Variants in HIVEP2 observed in about 807,000 individuals in gnomAD.
HIVEP2 encodes transcription factor HIVEP2.
Under a neutral mutation model 180.7 loss-of-function variants are expected in HIVEP2, and 14 were observed. The observed-to-expected ratio is 0.08, with a 90% confidence interval of 0.05 to 0.12. HIVEP2 has a LOEUF of 0.12. HIVEP2 is among the 10% of genes least tolerant of loss of function. The probability of loss-of-function intolerance (pLI) is 1.00; values close to 1 mark genes in which losing one functional copy is unlikely to be tolerated. For missense variants in HIVEP2, 2,579 were observed against 3,008.5 expected, an observed-to-expected ratio of 0.86 and a Z score of 3.34; for synonymous variants, 1,184 against 1,136.4, an observed-to-expected ratio of 1.04 and a Z score of -0.84.
At chr6:142,858,599 A>AT (rs1371146450) in intron 1 of HIVEP2, among the ~76,000 whole-genome samples, 1 of 151,186 alleles carries the variant, frequency 6.6e-6, no homozygotes, top group East Asian at 1.9e-4. Flanking sequence ...AATTAAATAA[A>AT]TTTTTTTTTG....
At chr6:142,801,462 T>A (rs937894000) in intron 2 of HIVEP2, among the ~76,000 whole-genome samples, 1 of 151,046 alleles carries the variant, frequency 6.6e-6, no homozygotes, top group Admixed American at 6.6e-5. Flanking sequence ...TAGATAACAT[T>A]CTCACTTGCA....
chr6:142,805,813 T>C (rs1213364725), intron 2 of HIVEP2, among the ~76,000 whole-genome samples: 1 of 152,146 alleles, frequency 6.6e-6, no homozygotes, highest in Non-Finnish European at 1.5e-5. Context: ...AACACCAATA[T>C]GTAGGGTGCT....
At position 142,944,394 on chromosome 6, in the gene HIVEP2, C is replaced by T. The variant is rs899658007; in HGVS notation, c.-641+705G>A. Reference sequence around the variant, plus strand: ...CCCCCACCAAATACGACAGACCCCACACATGCACATCAGCACCCCCTCCCC... The same window carrying T: ...CCCCCACCAAATACGACAGACCCCATACATGCACATCAGCACCCCCTCCCC... On this transcript the variant is annotated intron_variant, in intron 1 of 9. Coordinates refer to ENST00000367603, the MANE Select transcript of HIVEP2 (RefSeq NM_006734.4). Among the ~76,000 whole-genome samples, 3 of 148,582 alleles carry T rather than the reference C, an allele frequency of 2.0e-5. No individual in the cohort carries two copies. The East Asian group carries it at 5.9e-4, about 29-fold the overall frequency.
intron 2 of HIVEP2, among the ~76,000 whole-genome samples, chr6:142,827,455 T>C (rs1197123610): frequency 1.3e-5 from 2 of 152,208 alleles, no homozygotes; most frequent in Non-Finnish European, 2.9e-5. Context: ...TGACTGTGTG[T>C]TTTGTCTATG....
intron 1 of HIVEP2, chr6:142,944,844 CTCTGCAGCCGGTGCA>C (rs1018387227): frequency 1.5e-4 from 23 of 152,356 alleles, no homozygotes; most frequent in Non-Finnish European, 3.1e-4. Context: ...GCCAGAGCCG[CTCTGCAGCCGGTGCA>C]CCCGCAAGGC....
chr6:142,771,315 G>T lies in HIVEP2; in HGVS notation c.3424C>A (p.Pro1142Thr), dbSNP rs753286071. The T allele has an allele frequency of 1.9e-5, 30 of 1,613,188 alleles. No individual in the cohort carries two copies. The highest frequency in any genetic ancestry group is 2.5e-5 in the Non-Finnish European group (30 of 1,180,022). The change falls in exon 5 of 10, where the codon CCT becomes ACT. Residue 1142 changes from proline (P) to threonine (T), a missense_variant. Pro to Thr is a conservative substitution (Grantham distance 38). Coordinates refer to ENST00000367603, the MANE Select transcript of HIVEP2 (RefSeq NM_006734.4). The surrounding 1 kb of genome is among the most constrained non-coding windows in gnomAD (Gnocchi z 5.4). ...GGCCCCGAGCTCAGCGGGGGACAAG[G>T]ACCCGCCACCTGCTTCCCTGGGTCC... ...QEDPGKQVAG[P>T]CPPLSSGPLH...
intron 3 of HIVEP2, among the ~76,000 whole-genome samples, chr6:142,781,155 A>G (rs1224517872): frequency 2.6e-5 from 4 of 152,226 alleles, no homozygotes; most frequent in Admixed American, 6.5e-5. Flanking sequence ...AATTATAGCT[A>G]CAGTATTTCT....
chr6:142,785,294 A>T (rs1775964763), intron 2 of HIVEP2, among the ~76,000 whole-genome samples: 2 of 144,022 alleles, frequency 1.4e-5, no homozygotes, highest in South Asian at 4.6e-4. Flanking sequence ...GGCTAAAGTA[A>T]AGCATGGCAT....
At chr6:142,905,949 C>A (rs750515000) in intron 1 of HIVEP2, among the ~76,000 whole-genome samples, 4 of 152,086 alleles carry the variant, frequency 2.6e-5, no homozygotes, top group Non-Finnish European at 4.4e-5. Flanking sequence ...ACCTGGCCAA[C>A]GTGGCAAAAC....
At chr6:142,844,592 C>T (rs1775459603) in intron 1 of HIVEP2, among the ~76,000 whole-genome samples, 2 of 152,198 alleles carry the variant, frequency 1.3e-5, no homozygotes, top group Non-Finnish European at 2.9e-5. Flanking sequence ...CCAAACTTCA[C>T]TATGCTTCCT....
At chr6:142,769,238 T>C (rs545924257) in intron 5 of HIVEP2, among the ~76,000 whole-genome samples, 1 of 152,324 alleles carries the variant, frequency 6.6e-6, no homozygotes, top group East Asian at 1.9e-4. Context: ...GCTAGGTCAC[T>C]CACAAAGGTC....
At chr6:142,870,282 C>G (rs956985735) in intron 1 of HIVEP2, among the ~76,000 whole-genome samples, 10 of 152,212 alleles carry the variant, frequency 6.6e-5, no homozygotes, top group African/African-American at 2.4e-4. Context: ...ACCGCACTCT[C>G]ACTGACCACA....
chr6:142,811,484 G>T (rs1161732225), intron 2 of HIVEP2, among the ~76,000 whole-genome samples: 1 of 151,838 alleles, frequency 6.6e-6, no homozygotes, highest in Non-Finnish European at 1.5e-5. Flanking sequence ...AAAATTTCAT[G>T]CATGTCACGA....
At chr6:142,917,539 A>G (rs1777585393) in intron 1 of HIVEP2, among the ~76,000 whole-genome samples, 1 of 152,226 alleles carries the variant, frequency 6.6e-6, no homozygotes, top group Non-Finnish European at 1.5e-5. Flanking sequence ...ATATTTCTAA[A>G]TGATGGGAAA....
rs572134615 is a variant in HIVEP2 at position 142,880,506 on chromosome 6, G to A, written c.-640-43459C>T. Among the ~76,000 whole-genome samples, 76 of 152,296 alleles carry A rather than the reference G, an allele frequency of 5.0e-4. 3 individuals carry two copies. In the South Asian group the frequency reaches 8.1e-3, roughly 16 times the overall value. On this transcript the variant is annotated intron_variant, in intron 1 of 9. Coordinates refer to ENST00000367603, the MANE Select transcript of HIVEP2 (RefSeq NM_006734.4). ...TGACAAAGAAGCCTCTCTTCTCAGG[G>A]ATCATTACTTGCCTTTAAAAGTCCA... is the stretch of plus-strand genomic sequence containing the variant.
chr6:142,841,570 T>C (rs1775365438), intron 1 of HIVEP2, among the ~76,000 whole-genome samples: 1 of 152,168 alleles, frequency 6.6e-6, no homozygotes, highest in Non-Finnish European at 1.5e-5. Flanking sequence ...TGCATGAGTA[T>C]ATGTGGGAAA....
intron 2 of HIVEP2, among the ~76,000 whole-genome samples, chr6:142,800,995 T>A (rs1205064538): frequency 6.6e-6 from 1 of 151,680 alleles, no homozygotes; most frequent in Non-Finnish European, 1.5e-5. Context: ...TTGACCAGAG[T>A]GAATACTGTA....
At chr6:142,794,783 C>T (rs1457280820) in intron 2 of HIVEP2, among the ~76,000 whole-genome samples, 1 of 152,064 alleles carries the variant, frequency 6.6e-6, no homozygotes, top group Non-Finnish European at 1.5e-5. Flanking sequence ...TGTTGAACAC[C>T]CATGGGGTTA....
chr6:142,828,495 A>G (rs592503), intron 2 of HIVEP2, among the ~76,000 whole-genome samples: 124,847 of 151,848 alleles, frequency 0.82, 51,769 homozygotes, highest in Non-Finnish European at 0.87. Context: ...GGAGTGCAGT[A>G]GAGCGATCTC....
Sources: gnomAD v4.1 joint callset for allele counts (sites outside exome capture counted in the v4.1 genomes callset) on GRCh38, gnomAD v4.1.1 for gene constraint, Gnocchi (gnomAD v3.1) non-coding constraint, MANE v1.5 for transcripts, NCBI Gene and HGNC (gene_info 2026-07-23, HGNC 2026-07-21) for gene names.